Variants in RBPJ observed in about 807,000 individuals in gnomAD.
RBPJ encodes recombination signal binding protein for immunoglobulin kappa J region.
Under a neutral mutation model 67.8 loss-of-function variants are expected in RBPJ, and 9 were observed. The observed-to-expected ratio is 0.13, with a 90% CI of 0.08 to 0.23. The LOEUF is 0.23. RBPJ is among the 10% of genes least tolerant of loss of function. The probability of loss-of-function intolerance (pLI) is 1.00; values close to 1 mark genes in which losing one functional copy is unlikely to be tolerated. For missense variants in RBPJ, 305 were observed against 595.6 expected, an observed-to-expected ratio of 0.51 and a Z score of 5.08; for synonymous variants, 198 against 203.3, an observed-to-expected ratio of 0.97 and a Z score of 0.22.
At chr4:26,239,756 G>A (rs1182779024) in intron 1 of RBPJ, among the ~76,000 whole-genome samples, 1 of 151,878 alleles carries the variant, frequency 6.6e-6, no homozygotes, top group Non-Finnish European at 1.5e-5. Flanking sequence ...GAGAGGAGAG[G>A]AGAGGAGAGA....
chr4:26,214,787 AAG>A (rs1209212385), intron 1 of RBPJ, among the ~76,000 whole-genome samples: 53 of 111,250 alleles, frequency 4.8e-4, no homozygotes, highest in African/African-American at 1.7e-3. Context: ...AAGAAAGAAA[AAG>A]AGAAGGAAGG....
chr4:26,202,526 A>G (rs1718014949), intron 1 of RBPJ, among the ~76,000 whole-genome samples: 1 of 145,506 alleles, frequency 6.9e-6, no homozygotes, highest in Admixed American at 7.1e-5. Flanking sequence ...TAGGCTAAAA[A>G]CCTCAGAGTC....
At chr4:26,153,477 A>G in the RBPJ span, among the ~76,000 whole-genome samples, 2 of 152,120 alleles carry the variant, frequency 1.3e-5, no homozygotes, top group East Asian at 1.9e-4. Context: ...ACTGTATTCT[A>G]TTTTTTAGGT....
intron 7 of RBPJ, among the ~76,000 whole-genome samples, chr4:26,425,481 A>G (rs567204472): frequency 1.3e-4 from 20 of 152,026 alleles, no homozygotes; most frequent in African/African-American, 4.8e-4. Flanking sequence ...TTAGCCAGGC[A>G]TGGTGGTGCA....
chr4:26,337,102 C>T (rs971931278), intron 1 of RBPJ, among the ~76,000 whole-genome samples: 1 of 151,774 alleles, frequency 6.6e-6, no homozygotes, highest in African/African-American at 2.4e-5. Context: ...GCTGGGATTA[C>T]AGGCGACAGC....
intron 1 of RBPJ, among the ~76,000 whole-genome samples, chr4:26,273,044 A>T (rs1720965907): frequency 6.6e-6 from 1 of 152,176 alleles, no homozygotes; most frequent in South Asian, 2.1e-4. Context: ...AAAACAACAG[A>T]CCATAAAAAG....
At chr4:26,209,528 C>T (rs187925210) in intron 1 of RBPJ, among the ~76,000 whole-genome samples, 1 of 150,948 alleles carries the variant, frequency 6.6e-6, no homozygotes, top group East Asian at 2.0e-4. Flanking sequence ...AATCAAGTGA[C>T]ATCCTATCTC....
At chr4:26,346,786 G>A (rs528193270) in intron 1 of RBPJ, among the ~76,000 whole-genome samples, 12 of 152,268 alleles carry the variant, frequency 7.9e-5, no homozygotes, top group Non-Finnish European at 1.3e-4. Flanking sequence ...GAGGTCAGGA[G>A]TTTGAGACCA....
intron 1 of RBPJ, among the ~76,000 whole-genome samples, chr4:26,238,846 C>T (rs1280354553): frequency 6.6e-6 from 1 of 152,072 alleles, no homozygotes; most frequent in African/African-American, 2.4e-5. Flanking sequence ...GCCAGGACAA[C>T]GGCTTGGAAG....
At chr4:26,392,637 T>G (rs1278593689) in intron 2 of RBPJ, among the ~76,000 whole-genome samples, 3 of 152,166 alleles carry the variant, frequency 2.0e-5, no homozygotes, top group African/African-American at 7.2e-5. Flanking sequence ...TGACAAAAAC[T>G]AGATCAGTGG....
At chr4:26,121,634 A>G in the RBPJ span, among the ~76,000 whole-genome samples, 4 of 152,136 alleles carry the variant, frequency 2.6e-5, no homozygotes, top group Non-Finnish European at 4.4e-5. Context: ...TCAGTTTTCA[A>G]CCAGACGTAA....
intron 1 of RBPJ, chr4:26,362,554 T>G (rs373026313): frequency 2.5e-6 from 4 of 1,610,800 alleles, no homozygotes; most frequent in Non-Finnish European, 2.5e-6. Context: ...CTGAGGTGTT[T>G]TGAGGTGCAT....
the RBPJ span, among the ~76,000 whole-genome samples, chr4:26,147,098 C>T: frequency 1.5e-3 from 231 of 152,262 alleles, 1 homozygote; most frequent in African/African-American, 2.7e-3. Flanking sequence ...TGCCCTCAAG[C>T]GTGATTGAAT....
chr4:26,162,955 G>A (rs770441492), upstream of RBPJ, among the ~76,000 whole-genome samples: 40 of 152,190 alleles, frequency 2.6e-4, 1 homozygote, highest in Admixed American at 3.3e-4. Flanking sequence ...TGCTCAAGAG[G>A]TTAAGCTTGG....
chr4:26,328,828 T>C (rs1242703584), intron 1 of RBPJ, among the ~76,000 whole-genome samples: 1 of 152,130 alleles, frequency 6.6e-6, no homozygotes, highest in African/African-American at 2.4e-5. Flanking sequence ...TAAAACATTT[T>C]TTTTGTACAG....
intron 1 of RBPJ, among the ~76,000 whole-genome samples, chr4:26,311,003 T>G (rs1722412920): frequency 6.6e-6 from 1 of 152,214 alleles, no homozygotes; most frequent in Non-Finnish European, 1.5e-5. Context: ...CATTTTGACA[T>G]GCTTTGCAAG....
chr4:26,345,454 C>T (rs1726032595), intron 1 of RBPJ, among the ~76,000 whole-genome samples: 1 of 152,222 alleles, frequency 6.6e-6, no homozygotes, highest in South Asian at 2.1e-4. Flanking sequence ...AAAGCGCCTA[C>T]TGAGGTTTGT....
At chr4:26,371,058 C>T (rs1364116002) in intron 1 of RBPJ, among the ~76,000 whole-genome samples, 5 of 146,228 alleles carry the variant, frequency 3.4e-5, no homozygotes, top group South Asian at 2.1e-4. Context: ...CCAGCCTGGG[C>T]GACAGAGCGA....
At chr4:26,329,135 A>G (rs2109349463) in intron 1 of RBPJ, among the ~76,000 whole-genome samples, 1 of 152,266 alleles carries the variant, frequency 6.6e-6, no homozygotes, top group South Asian at 2.1e-4. Flanking sequence ...TTGGGGTTAC[A>G]GGCATGCGCC....
Sources: allele counts gnomAD v4.1 joint callset (sites outside exome capture counted in the v4.1 genomes callset), GRCh38; gene constraint gnomAD v4.1.1; transcripts MANE v1.5; gene names NCBI Gene and HGNC (gene_info 2026-07-23, HGNC 2026-07-21).